ARHGAP20: variants seen among roughly 807,000 people sequenced by gnomAD.
ARHGAP20 encodes rho GTPase-activating protein 20.
In ARHGAP20, 34 loss-of-function variants were observed where a neutral mutation model predicts 73.7. That is an observed-to-expected ratio of 0.46 (90% CI 0.35 to 0.61). The LOEUF is 0.61. ARHGAP20 is among the 20% of genes least tolerant of loss of function. The pLI, the probability that ARHGAP20 is intolerant of heterozygous loss-of-function variation, is 0.00. For missense variants in ARHGAP20, 1,314 were observed against 1,420.9 expected, an observed-to-expected ratio of 0.92 and a Z score of 1.21; for synonymous variants, 523 against 518.2, an observed-to-expected ratio of 1.01 and a Z score of -0.13.
intron 1 of ARHGAP20, among the ~76,000 whole-genome samples, chr11:110,699,050 A>G (rs563885338): frequency 6.6e-6 from 1 of 152,064 alleles, no homozygotes; most frequent in Admixed American, 6.6e-5. Flanking sequence ...GTAGACATTT[A>G]AAGTTATAAA....
At chr11:110,702,514 T>A (rs1296877160) in intron 1 of ARHGAP20, among the ~76,000 whole-genome samples, 1 of 152,100 alleles carries the variant, frequency 6.6e-6, no homozygotes, top group Non-Finnish European at 1.5e-5. Context: ...CTATTCAACA[T>A]AGTGTTGGAA....
intron 2 of ARHGAP20, among the ~76,000 whole-genome samples, chr11:110,658,204 G>A (rs547005293): frequency 2.0e-4 from 30 of 152,216 alleles, no homozygotes; most frequent in Admixed American, 9.2e-4. Flanking sequence ...TCTAAGTAAG[G>A]CACTTAGCTA....
chr11:110,629,550 A>AC (rs1948817641), intron 3 of ARHGAP20, among the ~76,000 whole-genome samples: 1 of 139,050 alleles, frequency 7.2e-6, no homozygotes, highest in Admixed American at 7.7e-5. Flanking sequence ...TATTCCTATA[A>AC]TACCATATCC....
At position 110,618,778 on chromosome 11, in the gene ARHGAP20, G is replaced by A. The variant is rs531136741; in HGVS notation, c.504-3184C>T. The stretch of plus-strand genomic sequence containing the variant: ...GATAGCATATATGTAGTGATAGAGT[G>A]TATGCAGTGATAGAGTGTATGCAGT... On this transcript the variant is annotated intron_variant, in intron 4 of 14. Transcript: ENST00000683387. 6.4e-3 allele frequency among the ~76,000 whole-genome samples: 450 copies of A among 69,968 alleles called. 8 individuals are homozygous for A. The highest frequency in any genetic ancestry group is 0.027 in the African/African-American group (414 of 15,490). 45.9% of individuals were successfully genotyped at this position (69,968 alleles called of 152,430 possible). A position where few individuals can be genotyped will look rare whatever the true frequency, so the allele number is the denominator to read the frequency against.
At chr11:110,645,133 C>T (rs1325101755) in intron 2 of ARHGAP20, among the ~76,000 whole-genome samples, 2 of 152,002 alleles carry the variant, frequency 1.3e-5, no homozygotes, top group African/African-American at 4.8e-5. Context: ...CCTTAGCCTC[C>T]CGGGTAGCTG....
chr11:110,690,448 A>G lies in ARHGAP20; in HGVS notation c.188+99T>C, dbSNP rs1039296641. On this transcript the variant is annotated intron_variant, in intron 2 of 14. Transcript: ENST00000683387. Reference sequence around the variant, plus strand: ...CAGAATTCTGGTGCTGATAACAAACAACCTCTACACATTAAAGAATATGTG... The same window carrying G: ...CAGAATTCTGGTGCTGATAACAAACGACCTCTACACATTAAAGAATATGTG... 173 of 1,190,694 alleles carry G rather than the reference A, an allele frequency of 1.5e-4. 1 individual carries two copies. Among genetic ancestry groups the G allele is most frequent in the Middle Eastern group, 4.3e-4 (2 of 4,690 alleles). The allele number at this position is 1,190,694 out of a possible 1,614,324, so 73.8% of individuals were successfully genotyped here.
chr11:110,609,366 T>TG (rs1228553926), intron 7 of ARHGAP20, among the ~76,000 whole-genome samples: 1 of 152,210 alleles, frequency 6.6e-6, no homozygotes, highest in Non-Finnish European at 1.5e-5. Flanking sequence ...AACATGCCCC[T>TG]GCAAAGACAA....
intron 1 of ARHGAP20, among the ~76,000 whole-genome samples, chr11:110,694,990 CAT>C (rs758153787): frequency 1.3e-5 from 2 of 151,746 alleles, no homozygotes; most frequent in Non-Finnish European, 3.0e-5. Flanking sequence ...TGGAACTAGA[CAT>C]AGACAGCAAG....
chr11:110,601,486 G>A (rs999839494), intron 9 of ARHGAP20, among the ~76,000 whole-genome samples: 2 of 152,200 alleles, frequency 1.3e-5, no homozygotes, highest in Non-Finnish European at 2.9e-5. Context: ...AAGTCTGGTA[G>A]AATATAGAGT....
At chr11:110,664,462 C>T (rs988346423) in intron 2 of ARHGAP20, among the ~76,000 whole-genome samples, 1 of 152,180 alleles carries the variant, frequency 6.6e-6, no homozygotes, top group African/African-American at 2.4e-5. Context: ...GGCGCAATGG[C>T]TCACGCCTCT....
In ARHGAP20 at chr11:110,711,619, G is replaced by C. The variant is rs988818204; in HGVS notation, c.105+508C>G. The stretch of plus-strand genomic sequence containing the variant: ...CAGCCGCGCCTCGGCGGGCAGGTGA[G>C]GGGGCCGAGCCCACCAGCGCCGCAG... On this transcript the variant is annotated intron_variant, in intron 1 of 14. Coordinates refer to ENST00000683387, the MANE Select transcript of ARHGAP20 (RefSeq NM_001384657.1). The C allele has an allele frequency of 1.3e-5, 19 of 1,487,244 alleles. No individual in the cohort carries two copies. In the African/African-American group the frequency reaches 2.2e-4, roughly 17 times the overall value. The allele number at this position is 1,487,244 out of a possible 1,614,324, so 92.1% of individuals were successfully genotyped here.
intron 2 of ARHGAP20, among the ~76,000 whole-genome samples, chr11:110,687,551 GGTAA>G (rs1267342468): frequency 6.6e-6 from 1 of 152,044 alleles, no homozygotes; most frequent in Non-Finnish European, 1.5e-5. Context: ...CAGTGAGTCA[GGTAA>G]GTGTTAGCAT....
intron 1 of ARHGAP20, among the ~76,000 whole-genome samples, chr11:110,710,801 A>G (rs1432722141): frequency 6.6e-6 from 1 of 152,192 alleles, no homozygotes; most frequent in Non-Finnish European, 1.5e-5. Context: ...CCTCTCTTCA[A>G]CTGACCTCTA....
intron 8 of ARHGAP20, 77 bp downstream of exon 8, chr11:110,608,907 A>T: frequency 8.0e-7 from 1 of 1,244,858 alleles, no homozygotes; most frequent in Non-Finnish European, 1.2e-6. Context: ...TTAGGACCAT[A>T]TGACCAATTC....
At chr11:110,608,924 A>G (rs1948299086) in intron 8 of ARHGAP20, 60 bp downstream of exon 8, 2 of 1,394,224 alleles carry the variant, frequency 1.4e-6, no homozygotes, top group South Asian at 2.4e-5. Context: ...ATTCTCGGAG[A>G]CACTTAGAAT....
intron 1 of ARHGAP20, among the ~76,000 whole-genome samples, chr11:110,699,342 AG>A (rs1950398706): frequency 6.6e-6 from 1 of 151,946 alleles, no homozygotes; most frequent in African/African-American, 2.4e-5. Flanking sequence ...TCGATAATGG[AG>A]AATGCTCCAT....
At chr11:110,674,216 G>A (rs925120780) in intron 2 of ARHGAP20, among the ~76,000 whole-genome samples, 5 of 152,222 alleles carry the variant, frequency 3.3e-5, no homozygotes, top group African/African-American at 1.2e-4. Flanking sequence ...TTACAGGCGT[G>A]AGCCACCACA....
At chr11:110,670,305 A>C (rs1949803383) in intron 2 of ARHGAP20, among the ~76,000 whole-genome samples, 1 of 152,150 alleles carries the variant, frequency 6.6e-6, no homozygotes, top group East Asian at 1.9e-4. Context: ...GGTTCTTTGA[A>C]GAGATAAAAT....
intron 9 of ARHGAP20, among the ~76,000 whole-genome samples, chr11:110,605,669 C>T (rs761330084): frequency 1.3e-5 from 2 of 152,214 alleles, no homozygotes; most frequent in Non-Finnish European, 2.9e-5. Flanking sequence ...AGTTGAATCA[C>T]ACACAGATGA....
Sources: allele counts gnomAD v4.1 joint callset (sites outside exome capture counted in the v4.1 genomes callset), GRCh38; gene constraint gnomAD v4.1.1; transcripts MANE v1.5; gene names NCBI Gene and HGNC (gene_info 2026-07-23, HGNC 2026-07-21).